Variants in SLC45A4 observed in about 807,000 individuals in gnomAD.
SLC45A4 encodes solute carrier family 45 member 4, also known as polyamine-transporter SLC45A4.
A neutral mutation model predicts 63.7 loss-of-function variants in SLC45A4; 32 were observed. That is an observed-to-expected ratio of 0.50 (90% CI 0.38 to 0.67). The LOEUF is 0.67. SLC45A4 is among the 30% of genes least tolerant of loss of function. SLC45A4 has a pLI of 0.00. For missense variants in SLC45A4, 1,027 were observed against 1,157.7 expected (o/e 0.89, Z 1.64); for synonymous variants, 535 against 510.0 (o/e 1.05, Z -0.66).
chr8:141,288,685 T>A (rs1178593642), intron 1 of SLC45A4, among the ~76,000 whole-genome samples: 1 of 152,060 alleles, frequency 6.6e-6, no homozygotes, highest in Non-Finnish European at 1.5e-5. Flanking sequence ...GTGAGCGGGG[T>A]CACACTGCCT....
chr8:141,267,460 C>G (rs566538631), intron 1 of SLC45A4, among the ~76,000 whole-genome samples: 3 of 152,202 alleles, frequency 2.0e-5, no homozygotes, highest in Non-Finnish European at 4.4e-5. Flanking sequence ...TTGATGACGC[C>G]GGACAGTGCC....
intron 1 of SLC45A4, among the ~76,000 whole-genome samples, chr8:141,295,630 G>A (rs960208190): frequency 6.6e-6 from 1 of 152,160 alleles, no homozygotes; most frequent in East Asian, 1.9e-4. Flanking sequence ...CAGGGTAAAC[G>A]GCTCCACAAG....
intron 1 of SLC45A4, among the ~76,000 whole-genome samples, chr8:141,280,646 G>A (rs906063564): frequency 4.6e-5 from 7 of 152,126 alleles, no homozygotes; most frequent in Admixed American, 1.3e-4. Context: ...GTGCTAGGCT[G>A]GCCCACCCTC....
intron 1 of SLC45A4, among the ~76,000 whole-genome samples, chr8:141,270,305 T>G (rs1429525254): frequency 6.6e-6 from 1 of 150,858 alleles, no homozygotes; most frequent in East Asian, 2.0e-4. Flanking sequence ...GGAAGGAGGA[T>G]TGCTTGGGGC....
intron 2 of SLC45A4, among the ~76,000 whole-genome samples, chr8:141,251,005 G>C (rs1213261622): frequency 6.6e-6 from 1 of 152,186 alleles, no homozygotes; most frequent in East Asian, 1.9e-4. Context: ...CTGCCATAGA[G>C]AAAATTAGGG....
rs150199629 is a variant in SLC45A4, at chr8:141,218,606, C to G, written c.1034G>C (p.Arg345Pro). The G allele has an allele frequency of 6.2e-7, 1 of 1,613,248 alleles. No individual in the cohort carries two copies. The highest frequency in any genetic ancestry group is 1.7e-5 in the Admixed American group (1 of 60,014). Residue 345 changes from arginine to proline, a missense_variant, in exon 5 of 9, where the codon CGC (arginine) becomes CCC (proline). Arg to Pro is a moderately radical substitution (Grantham distance 103). Transcript: ENST00000517878. ...FHDASYPATP[R>P]STSQELAKTK... Reference sequence around the variant, plus strand: ...CTTGGCGAGCTCCTGGCTGGTGCTGCGGGGGGTGGCGGGGTAGGAGGCGTC... The same window carrying G: ...CTTGGCGAGCTCCTGGCTGGTGCTGGGGGGGGTGGCGGGGTAGGAGGCGTC...
At position 141,209,171 on chromosome 8, in the gene SLC45A4, C is replaced by G. The variant is rs1390346314; in HGVS notation, c.*2401G>C. 6.6e-6 allele frequency: 1 copy of G among 152,426 alleles called. No individual in the cohort carries two copies. The allele number at this position is 152,426 out of a possible 1,614,324, so 9.4% of individuals were successfully genotyped here. On this transcript the variant is annotated 3_prime_UTR_variant, in exon 9 of 9. Coordinates refer to ENST00000517878, the MANE Select transcript of SLC45A4 (RefSeq NM_001286646.2). ...CTCCCCTTTGACACTGACCGGCGTC[C>G]CCAGCCCCGCCTTGTTACTGCATCC... is the stretch of plus-strand genomic sequence containing the variant.
intron 2 of SLC45A4, among the ~76,000 whole-genome samples, chr8:141,235,771 C>CA (rs1256176544): frequency 1.3e-5 from 2 of 152,138 alleles, no homozygotes; most frequent in African/African-American, 4.8e-5. Context: ...TGTGCATGTT[C>CA]AAAAAGTTAA....
intron 2 of SLC45A4, among the ~76,000 whole-genome samples, chr8:141,232,678 G>A (rs772360473): frequency 6.7e-6 from 1 of 149,814 alleles, no homozygotes; most frequent in Admixed American, 6.7e-5. Flanking sequence ...GTGGCTCCCA[G>A]GTGAGCGCTC....
chr8:141,250,156 A>G (rs572844873), intron 2 of SLC45A4, among the ~76,000 whole-genome samples: 1 of 152,348 alleles, frequency 6.6e-6, no homozygotes, highest in South Asian at 2.1e-4. Context: ...CACTACATAT[A>G]TTGTGTAGTA....
chr8:141,243,270 C>T (rs12675687), intron 2 of SLC45A4, among the ~76,000 whole-genome samples: 19,721 of 152,176 alleles, frequency 0.13, 1,606 homozygotes, highest in East Asian at 0.28. Flanking sequence ...GCCTACACAG[C>T]GGTGTGGGGA....
chr8:141,238,562 A>G (rs760120054), intron 2 of SLC45A4, among the ~76,000 whole-genome samples: 4 of 151,986 alleles, frequency 2.6e-5, no homozygotes, highest in Non-Finnish European at 4.4e-5. Context: ...GTGGAATCAC[A>G]CAGCTTTTCA....
intron 2 of SLC45A4, among the ~76,000 whole-genome samples, chr8:141,244,645 T>C (rs918487414): frequency 7.2e-5 from 11 of 152,062 alleles, no homozygotes; most frequent in African/African-American, 2.7e-4. Flanking sequence ...GCCAGGCGGA[T>C]GTGAGCAGTA....
At position 141,253,967 on chromosome 8, in the gene SLC45A4, C is replaced by T. The variant is rs146992688; in HGVS notation, c.241+22G>A. The stretch of plus-strand genomic sequence containing the variant: ...AGCACTCCGCTCAGCGTTCACTGCG[C>T]ACAGACGGGGAGGAGACTTACCAAT... On this transcript the variant is annotated intron_variant, in intron 2 of 8. Transcript: ENST00000517878. The T allele has an allele frequency of 2.7e-3, 4,109 of 1,535,534 alleles. 7 individuals carry two copies. Among genetic ancestry groups the T allele is most frequent in the Non-Finnish European group, 3.0e-3 (3,480 of 1,146,370 alleles).
At chr8:141,279,099 G>A (rs553506692) in intron 1 of SLC45A4, among the ~76,000 whole-genome samples, 61 of 152,316 alleles carry the variant, frequency 4.0e-4, no homozygotes, top group African/African-American at 1.1e-3. Context: ...CACATTCTGC[G>A]GGACCCACCT....
chr8:141,263,872 A>G (rs1447908403), intron 1 of SLC45A4, among the ~76,000 whole-genome samples: 2 of 152,194 alleles, frequency 1.3e-5, no homozygotes, highest in Non-Finnish European at 2.9e-5. Flanking sequence ...AGGAGTGGCT[A>G]TGAATACCGA....
At position 141,217,175 on chromosome 8, in the gene SLC45A4, C is replaced by T. The variant is rs762893549; in HGVS notation, c.1644G>A (p.Ser548=). Residue 548 remains serine (S), a synonymous_variant, in exon 6 of 9, where the codon TCG becomes TCA. Coordinates refer to ENST00000517878, the MANE Select transcript of SLC45A4 (RefSeq NM_001286646.2). ...CGGCGTTGTAGGCTTGCCAGGCGGT[C>T]GAGTTCGAGGGGGCCTGTTCCGGAA... ...FEGDPKAPSN[S]TAWQAYNAGV... 1.4e-5 allele frequency: 22 copies of T among 1,613,554 alleles called. No individual in the cohort carries two copies. The highest frequency in any genetic ancestry group is 1.9e-5 in the Non-Finnish European group (22 of 1,179,980).
At chr8:141,240,134 T>C (rs1261429424) in intron 2 of SLC45A4, among the ~76,000 whole-genome samples, 2 of 152,218 alleles carry the variant, frequency 1.3e-5, no homozygotes, top group Non-Finnish European at 2.9e-5. Flanking sequence ...CTTTAGTCAT[T>C]ACGCCCAGCC....
chr8:141,257,842 C>A (rs1400947916), intron 1 of SLC45A4, among the ~76,000 whole-genome samples: 1 of 152,140 alleles, frequency 6.6e-6, no homozygotes, highest in African/African-American at 2.4e-5. Flanking sequence ...TGGCCCAGAA[C>A]GTCAACAGCA....
Sources: gnomAD v4.1 joint callset for allele counts (sites outside exome capture counted in the v4.1 genomes callset) on GRCh38, gnomAD v4.1.1 for gene constraint, MANE v1.5 for transcripts, NCBI Gene and HGNC (gene_info 2026-07-23, HGNC 2026-07-21) for gene names.